Variants in ERCC8 observed in about 807,000 individuals in gnomAD.
ERCC8 encodes the protein DNA excision repair protein ERCC-8.
ERCC8 carries 52 observed loss-of-function variants against 54.9 expected under a neutral mutation model. That is an observed-to-expected ratio of 0.95 (90% CI 0.76 to 1.19). The LOEUF (loss-of-function observed/expected upper bound fraction) is 1.19, where lower values mean the gene tolerates loss of function less well. Ranked by LOEUF, ERCC8 falls within the 50% of genes most tolerant of loss-of-function variation. The pLI is 0.00. For synonymous variants in ERCC8, 146 were observed against 157.2 expected (o/e 0.93, Z 0.53); for missense variants, 514 against 466.1 (o/e 1.10, Z -0.95).
chr5:60,898,538 C>A (rs1748783799), intron 8 of ERCC8, 138 bp from the exon 9 acceptor site: 11 of 889,398 alleles, frequency 1.2e-5, no homozygotes, highest in South Asian at 7.5e-5. Context: ...TTAACCAACC[C>A]TTCAGATTAT....
intron 1 of ERCC8, among the ~76,000 whole-genome samples, chr5:60,930,708 A>G (rs1278735521): frequency 6.6e-6 from 1 of 152,136 alleles, no homozygotes; most frequent in East Asian, 1.9e-4. Flanking sequence ...CCTGGGTGAC[A>G]TTTATTGCAA....
rs4647143 is a variant in ERCC8 at position 60,875,858 on chromosome 5, G to T, written c.1123-1175C>A. Among the ~76,000 whole-genome samples, 812 of 150,930 alleles carry T rather than the reference G, an allele frequency of 5.4e-3. 13 individuals are homozygous for T. The highest frequency in any genetic ancestry group is 0.018 in the African/African-American group (747 of 40,906). ...ACTACAGACGCCTGCCACCACGCCT[G>T]GATAATTTTTTATATTTTAATTTAT... is the stretch of plus-strand genomic sequence containing the variant. On this transcript the variant is annotated intron_variant, in intron 11 of 11. Coordinates refer to ENST00000676185, the MANE Select transcript of ERCC8 (RefSeq NM_000082.4).
intron 8 of ERCC8, 83 bp downstream of exon 8, chr5:60,899,544 C>T (rs531193318): frequency 3.3e-5 from 32 of 964,640 alleles, no homozygotes; most frequent in South Asian, 2.0e-4. Context: ...TGTCAATATG[C>T]GTTTATTATG....
chr5:60,908,875 T>C (rs1233550209), intron 4 of ERCC8, among the ~76,000 whole-genome samples: 1 of 152,060 alleles, frequency 6.6e-6, no homozygotes, highest in East Asian at 1.9e-4. Context: ...CTTGTATGTT[T>C]TGTGAAATAC....
intron 1 of ERCC8, among the ~76,000 whole-genome samples, chr5:60,941,128 C>G (rs1179763765): frequency 6.6e-6 from 1 of 151,840 alleles, no homozygotes; most frequent in Non-Finnish European, 1.5e-5. Context: ...CCAGCCTGGG[C>G]AAAACAGTGA....
At chr5:60,937,766 C>A (rs1750110884) in intron 1 of ERCC8, among the ~76,000 whole-genome samples, 1 of 152,134 alleles carries the variant, frequency 6.6e-6, no homozygotes, top group Non-Finnish European at 1.5e-5. Flanking sequence ...TCCCACAGTG[C>A]CTGCAGCGGC....
At chr5:60,917,587 A>G (rs1243616755) in intron 4 of ERCC8, 1 of 152,200 alleles carries the variant, frequency 6.6e-6, no homozygotes, top group African/African-American at 2.4e-5. Flanking sequence ...AAAGAGAGGT[A>G]TGAGAGAGTT....
intron 1 of ERCC8, among the ~76,000 whole-genome samples, chr5:60,942,894 G>A (rs1750304808): frequency 6.6e-6 from 1 of 152,100 alleles, no homozygotes; most frequent in Non-Finnish European, 1.5e-5. Flanking sequence ...TGATGACAAG[G>A]AAGAACAGTA....
At chr5:60,927,062 AC>A (rs1749770517) in intron 2 of ERCC8, among the ~76,000 whole-genome samples, 1 of 152,238 alleles carries the variant, frequency 6.6e-6, no homozygotes, top group South Asian at 2.1e-4. Flanking sequence ...AATGAAATTA[AC>A]TTAGAAGAAT....
At chr5:60,875,523 G>A (rs1747971469) in intron 11 of ERCC8, among the ~76,000 whole-genome samples, 4 of 152,068 alleles carry the variant, frequency 2.6e-5, no homozygotes, top group Admixed American at 2.0e-4. Context: ...TAACTAAAAG[G>A]GCTTTAAGAT....
chr5:60,943,018 C>T (rs1355519417), intron 1 of ERCC8, among the ~76,000 whole-genome samples: 1 of 151,932 alleles, frequency 6.6e-6, no homozygotes. Context: ...CACATATAAT[C>T]CCGGCACTTT....
chr5:60,911,383 A>G (rs1749255389), intron 4 of ERCC8, among the ~76,000 whole-genome samples: 1 of 151,438 alleles, frequency 6.6e-6, no homozygotes, highest in Admixed American at 6.6e-5. Flanking sequence ...TGTTGGCTGC[A>G]TAAATGTCTT....
intron 11 of ERCC8, among the ~76,000 whole-genome samples, chr5:60,880,057 C>T (rs1748158295): frequency 6.6e-6 from 1 of 152,120 alleles, no homozygotes; most frequent in Admixed American, 6.5e-5. Flanking sequence ...TTAGGGCAGG[C>T]CTGGTGGTGA....
At chr5:60,898,524 A>C in intron 8 of ERCC8, 124 bp from the exon 9 acceptor site, 10 of 987,130 alleles carry the variant, frequency 1.0e-5, no homozygotes, top group Non-Finnish European at 1.4e-5. Flanking sequence ...TAAGTAGATT[A>C]TACTTAACCA....
Position 60,874,658 on chromosome 5 carries a change from G to T in ERCC8, c.1148C>A (p.Pro383Gln). 1 of 1,610,662 alleles carries T rather than the reference G, an allele frequency of 6.2e-7. No individual in the cohort carries two copies. Among genetic ancestry groups the T allele is most frequent in the Non-Finnish European group, 8.5e-7 (1 of 1,179,156 alleles). ...DETTTKSQLNPAFEDAWSSSD... is the reference protein window; with the variant it reads ...DETTTKSQLNQAFEDAWSSSD... ...GCTGCTCCAGGCATCTTCAAAGGCCGGATTTAATTGTGATTTTGTTGTAGT... is the reference window on the plus strand; with the variant it reads ...GCTGCTCCAGGCATCTTCAAAGGCCTGATTTAATTGTGATTTTGTTGTAGT... Residue 383 changes from proline to glutamine, a missense_variant, in exon 12 of 12, where the codon CCG becomes CAG. Pro to Gln is a moderately conservative substitution (Grantham distance 76, BLOSUM62 -1). Transcript: ENST00000676185.
intron 1 of ERCC8, among the ~76,000 whole-genome samples, chr5:60,939,681 A>T (rs1033581348): frequency 7.9e-5 from 12 of 151,970 alleles, no homozygotes; most frequent in African/African-American, 2.9e-4. Context: ...TTTTTAGTAG[A>T]GATGGGGTTT....
chr5:60,944,706 C>G (rs1750374593), intron 1 of ERCC8, among the ~76,000 whole-genome samples: 6 of 6,334 alleles, frequency 9.5e-4, no homozygotes, highest in Non-Finnish European at 1.8e-3. Flanking sequence ...CGCGGGGGAA[C>G]CCCCCCCCCA....
intron 11 of ERCC8, among the ~76,000 whole-genome samples, chr5:60,881,164 T>G (rs1056155289): frequency 1.3e-5 from 2 of 152,138 alleles, no homozygotes; most frequent in African/African-American, 4.8e-5. Flanking sequence ...GCTCAGAGAC[T>G]GCAGAACAGT....
At chr5:60,890,837 T>A (rs992691950) in intron 10 of ERCC8, 52 bp downstream of exon 10, 1 of 1,285,614 alleles carries the variant, frequency 7.8e-7, no homozygotes, top group Non-Finnish European at 1.1e-6. Flanking sequence ...TACATATAAC[T>A]GGTCTGGCAA....
Sources: gnomAD v4.1 joint callset for allele counts (sites outside exome capture counted in the v4.1 genomes callset) on GRCh38, gnomAD v4.1.1 for gene constraint, MANE v1.5 for transcripts, NCBI Gene and HGNC (gene_info 2026-07-23, HGNC 2026-07-21) for gene names.